The following SRRM3 variants were observed in gnomAD, a reference collection of about 807,000 sequenced individuals.
SRRM3 encodes the protein serine/arginine repetitive matrix protein 3.
In SRRM3, 27 loss-of-function variants were observed where a neutral mutation model predicts 66.2. The observed-to-expected ratio is 0.41, with a 90% CI of 0.30 to 0.56. The LOEUF is 0.56. SRRM3 is among the 20% of genes least tolerant of loss of function. SRRM3 has a pLI of 0.32. For synonymous variants in SRRM3, 391 were observed against 414.9 expected (o/e 0.94, Z 0.70); for missense variants, 918 against 991.9 (o/e 0.93, Z 1.00).
At chr7:76,250,080 G>A (rs1424878115) in intron 3 of SRRM3, among the ~76,000 whole-genome samples, 1 of 151,796 alleles carries the variant, frequency 6.6e-6, no homozygotes, top group Non-Finnish European at 1.5e-5. Flanking sequence ...GTTTTGCTCT[G>A]TTGCCCAGGC....
chr7:76,229,144 T>A (rs1335987776), intron 1 of SRRM3, among the ~76,000 whole-genome samples: 2 of 152,060 alleles, frequency 1.3e-5, no homozygotes, highest in Non-Finnish European at 2.9e-5. Flanking sequence ...GTGATCCACC[T>A]GCCTTGTCCT....
intron 8 of SRRM3, among the ~76,000 whole-genome samples, chr7:76,262,771 G>A (rs1462628944): frequency 2.0e-5 from 3 of 151,674 alleles, no homozygotes; most frequent in Non-Finnish European, 2.9e-5. Context: ...AGCTGAGATC[G>A]CACCACTGCA....
chr7:76,221,123 T>A (rs1800702408), intron 1 of SRRM3, among the ~76,000 whole-genome samples: 1 of 149,810 alleles, frequency 6.7e-6, no homozygotes, highest in South Asian at 2.2e-4. Flanking sequence ...AGTGGCGCAA[T>A]CTCAGTTCAC....
chr7:76,202,914 C>T (rs1800193050), intron 1 of SRRM3, among the ~76,000 whole-genome samples: 1 of 152,148 alleles, frequency 6.6e-6, no homozygotes, highest in Non-Finnish European at 1.5e-5. Flanking sequence ...GAAGGTTGTA[C>T]CAAGGTCTGA....
In SRRM3 at chr7:76,250,045, ATT is replaced by A. The variant is rs529533703; in HGVS notation, c.335+1760_335+1761del. Among the ~76,000 whole-genome samples the A allele has an allele frequency of 5.7e-3, 510 of 90,084 alleles. 10 individuals are homozygous for A. Among genetic ancestry groups the A allele is most frequent in the Admixed American group, 0.048 (451 of 9,460 alleles). The allele number at this position is 90,084 out of a possible 152,430, so 59.1% of individuals were successfully genotyped here. ...TCTTTATTTATTTATTTATTTATTTATTTTTATTTATTTTTTGACACAGGGTT... is the reference window on the plus strand; with the variant it reads ...TCTTTATTTATTTATTTATTTATTTATTTATTTATTTTTTGACACAGGGTT... On this transcript the variant is annotated intron_variant, in intron 3 of 14. Coordinates refer to ENST00000611745, the MANE Select transcript of SRRM3 (RefSeq NM_001110199.3).
chr7:76,258,713 C>CAAAAAAAAAAAAAA (rs201265747), intron 3 of SRRM3, among the ~76,000 whole-genome samples: 1 of 68,274 alleles, frequency 1.5e-5, no homozygotes, highest in African/African-American at 5.0e-5. Flanking sequence ...GACTCCATCT[C>CAAAAAAAAAAAAAA]AAAAAAAAAA....
chr7:76,262,528 A>AAC (rs1352825301), intron 8 of SRRM3, among the ~76,000 whole-genome samples: 2 of 150,880 alleles, frequency 1.3e-5, no homozygotes, highest in African/African-American at 4.9e-5. Context: ...AAAAAAAAAA[A>AAC]AAAAAAACAA....
At position 76,285,578 on chromosome 7, in the gene SRRM3, C is replaced by G. The variant is rs1802642033; in HGVS notation, c.1734-37C>G. ...CCGCTGCTGGGATGGGGCTCGGGGC[C>G]TGGGATGGCCTGTAATCAGCTTTTT... On this transcript the variant is annotated intron_variant, in intron 14 of 14. Coordinates refer to ENST00000611745, the MANE Select transcript of SRRM3 (RefSeq NM_001110199.3). This position sits in a 1 kb window ranked among gnomAD's most constrained non-coding sequence, Gnocchi z 4.1. The G allele has an allele frequency of 6.6e-7, 1 of 1,522,416 alleles. No individual in the cohort carries two copies. Among genetic ancestry groups the G allele is most frequent in the Non-Finnish European group, 8.9e-7 (1 of 1,126,180 alleles). The allele number at this position is 1,522,416 out of a possible 1,614,324, so 94.3% of individuals were successfully genotyped here.
intron 1 of SRRM3, among the ~76,000 whole-genome samples, chr7:76,222,344 G>A (rs1554603298): frequency 6.6e-6 from 1 of 151,156 alleles, no homozygotes; most frequent in Non-Finnish European, 1.5e-5. Flanking sequence ...AGCCCAAGAG[G>A]TAGAGGCTGC....
chr7:76,254,096 G>C (rs979477360), intron 3 of SRRM3, among the ~76,000 whole-genome samples: 14 of 151,798 alleles, frequency 9.2e-5, no homozygotes, highest in African/African-American at 3.4e-4. Flanking sequence ...GCTCATTGCT[G>C]CCTTGAACTC....
Position 76,263,875 on chromosome 7 carries a change from G to GCCAAAAAAAAAAAAAAAAAAAAAA in SRRM3, c.675-890_675-889insCCAAAAAAAAAAAAAAAAAAAAAA. ...GCAACAGAGCGGGACTCTGTCTCAA[G>GCCAAAAAAAAAAAAAAAAAAAAAA]ACAAAAAAAAAAAAAAAAAAAAAAA... On this transcript the variant is annotated intron_variant, in intron 8 of 14. Coordinates refer to ENST00000611745, the MANE Select transcript of SRRM3 (RefSeq NM_001110199.3). 7.5e-5 allele frequency among the ~76,000 whole-genome samples: 2 copies of GCCAAAAAAAAAAAAAAAAAAAAAA among 26,760 alleles called. 1 individual carries two copies. The highest frequency in any genetic ancestry group is 1.4e-4 in the Non-Finnish European group (2 of 14,536). The allele number at this position is 26,760 out of a possible 152,430, so 17.6% of individuals were successfully genotyped here.
At chr7:76,260,736 G>C (rs1801842948) in intron 5 of SRRM3, 138 bp from the exon 6 acceptor site, 1 of 791,822 alleles carries the variant, frequency 1.3e-6, no homozygotes, top group African/African-American at 1.7e-5. Flanking sequence ...AGTGGCCCTG[G>C]GGAGGAGGGG....
chr7:76,227,677 A>C (rs1163352536), intron 1 of SRRM3, among the ~76,000 whole-genome samples: 2 of 152,138 alleles, frequency 1.3e-5, no homozygotes, highest in Non-Finnish European at 2.9e-5. Flanking sequence ...CCAGCCTGTG[A>C]GCTTCTACAG....
intron 1 of SRRM3, among the ~76,000 whole-genome samples, chr7:76,211,816 C>CTATTAT (rs60646233): frequency 0.018 from 2,476 of 140,614 alleles, 18 homozygotes; most frequent in Middle Eastern, 0.029. Context: ...ACTATTACTA[C>CTATTAT]TATTATTATT....
chr7:76,204,234 A>G (rs1261601609), intron 1 of SRRM3, among the ~76,000 whole-genome samples: 1 of 151,776 alleles, frequency 6.6e-6, no homozygotes, highest in Non-Finnish European at 1.5e-5. Context: ...CCCATATTTT[A>G]TTGTCCCCCA....
chr7:76,221,359 C>CTTTTTTTTTTTTTTTTTT lies in SRRM3; in HGVS notation c.-39-13665_-39-13648dup, dbSNP rs781915041. Among the ~76,000 whole-genome samples, 35 of 95,352 alleles carry CTTTTTTTTTTTTTTTTTT rather than the reference C, an allele frequency of 3.7e-4. 10 individuals are homozygous for CTTTTTTTTTTTTTTTTTT. The highest frequency in any genetic ancestry group is 1.8e-3 in the African/African-American group (33 of 18,254). 62.6% of individuals were successfully genotyped at this position (95,352 alleles called of 152,430 possible). ...TTTGAGCCACTGGGCCTGCCCTCCTCTTTTTTTTTTTTTTTTTTTTTGAGA... is the reference window on the plus strand; with the variant it reads ...TTTGAGCCACTGGGCCTGCCCTCCTCTTTTTTTTTTTTTTTTTTTTTTTTTTTTTTTTTTTTTTTGAGA... On this transcript the variant is annotated intron_variant, in intron 1 of 14. Transcript: ENST00000611745.
intron 2 of SRRM3, among the ~76,000 whole-genome samples, chr7:76,235,668 T>C (rs539282862): frequency 6.6e-6 from 1 of 151,660 alleles, no homozygotes; most frequent in East Asian, 2.0e-4. Flanking sequence ...GAATTCGAGA[T>C]CAGCCTGCCT....
rs553282315 is a variant in SRRM3, at chr7:76,266,712, G to GC, written c.831-543dup. 4.0e-3 allele frequency among the ~76,000 whole-genome samples: 568 copies of GC among 140,750 alleles called. 5 individuals carry two copies. The highest frequency in any genetic ancestry group is 0.015 in the African/African-American group (542 of 37,300). The allele number at this position is 140,750 out of a possible 152,430, so 92.3% of individuals were successfully genotyped here. On this transcript the variant is annotated intron_variant, in intron 10 of 14. Transcript: ENST00000611745. ...ATTTTGAGACGAGTATTGCTGTGTT[G>GC]CCCAGGCTGGAGAGCAGTGGTGCAA...
chr7:76,206,488 A>G (rs1800305016), intron 1 of SRRM3, among the ~76,000 whole-genome samples: 1 of 151,904 alleles, frequency 6.6e-6, no homozygotes. Flanking sequence ...CTAGGCCTTC[A>G]CTGTGGCTTA....
Sources: allele counts gnomAD v4.1 joint callset (sites outside exome capture counted in the v4.1 genomes callset), GRCh38; gene constraint gnomAD v4.1.1; non-coding constraint Gnocchi (gnomAD v3.1); transcripts MANE v1.5; gene names NCBI Gene and HGNC (gene_info 2026-07-23, HGNC 2026-07-21).